Variants in TRIM54 observed in about 807,000 individuals in gnomAD.
TRIM54 encodes tripartite motif containing 54, also known as tripartite motif-containing protein 54.
TRIM54 carries 40 observed loss-of-function variants against 42.0 expected under a neutral mutation model. The ratio of observed to expected loss-of-function variants is 0.95; its 90% CI spans 0.74 to 1.24. The LOEUF is 1.24. TRIM54 is among the 50% of genes most tolerant of loss of function. The pLI is 0.00. For synonymous variants in TRIM54, 199 were observed against 194.9 expected (o/e 1.02, Z -0.17); for missense variants, 485 against 480.3 (o/e 1.01, Z -0.09).
At chr2:27,302,068 C>T (rs1328345478) in intron 3 of TRIM54, among the ~76,000 whole-genome samples, 2 of 151,306 alleles carry the variant, frequency 1.3e-5, no homozygotes, top group Admixed American at 6.6e-5. Flanking sequence ...ACAGGAGAAT[C>T]GCTTGAACCC....
chr2:27,285,126 G>A (rs1396512903), intron 1 of TRIM54, among the ~76,000 whole-genome samples: 1 of 152,218 alleles, frequency 6.6e-6, no homozygotes, highest in Non-Finnish European at 1.5e-5. Flanking sequence ...CAAGGAGGAA[G>A]AGTGAACAGC....
In TRIM54 at chr2:27,298,696, C is replaced by T. The variant is rs765136438; in HGVS notation, c.298C>T (p.Leu100=). 3 of 1,614,152 alleles carry T rather than the reference C, an allele frequency of 1.9e-6. No individual in the cohort carries two copies. Among genetic ancestry groups the T allele is most frequent in the Non-Finnish European group, 2.5e-6 (3 of 1,180,018 alleles). ...HGVYGLQRNL[L]VENIIDIYKQ... ...TGTCTACGGCCTGCAGCGAAACCTG[C>T]TAGTGGAGAACATTATCGACATTTA... The change falls in exon 2 of 9, where the codon CTA becomes TTA. Residue 100 remains leucine, a synonymous_variant. Transcript: ENST00000380075.
At chr2:27,287,368 A>G (rs1487917259) in intron 1 of TRIM54, among the ~76,000 whole-genome samples, 1 of 151,926 alleles carries the variant, frequency 6.6e-6, no homozygotes, top group Non-Finnish European at 1.5e-5. Flanking sequence ...ATGCCTGGCT[A>G]ATTTTTTTGT....
intron 3 of TRIM54, among the ~76,000 whole-genome samples, chr2:27,300,572 G>GTAGTAGTACTAATAATAATATT (rs1558588633): frequency 9.6e-6 from 1 of 104,564 alleles, no homozygotes; most frequent in Non-Finnish European, 2.3e-5. Context: ...ATATTTATTA[G>GTAGTAGTACTAATAATAATATT]TAGTAGTAGT....
rs994125911 is a variant in TRIM54 at position 27,292,376 on chromosome 2, G to A, written c.169-6191G>A. On this transcript the variant is annotated intron_variant, in intron 1 of 8. Coordinates refer to ENST00000380075, the MANE Select transcript of TRIM54 (RefSeq NM_187841.3). ...GCTTGAGGCCAGGAGTTTGACATCA[G>A]CCTGGGCAACTAGCAAGACCCTATC... Among the ~76,000 whole-genome samples, 4 of 152,056 alleles carry A rather than the reference G, an allele frequency of 2.6e-5. No homozygotes were observed. The East Asian group carries it at 5.8e-4, about 22-fold the overall frequency.
At chr2:27,295,377 G>A (rs1031087037) in intron 1 of TRIM54, among the ~76,000 whole-genome samples, 2 of 152,036 alleles carry the variant, frequency 1.3e-5, no homozygotes, top group Non-Finnish European at 2.9e-5. Flanking sequence ...TATGATCTTG[G>A]CTCACTGCAG....
Position 27,306,246 on chromosome 2 carries a change from G to A in TRIM54, c.900G>A (p.Gly300=). The change falls in exon 7 of 9, where the codon GGG becomes GGA. Residue 300 remains glycine (G), a synonymous_variant. Transcript: ENST00000380075. This position sits in a 1 kb window ranked among gnomAD's most constrained non-coding sequence, Gnocchi z 6.1. ...VGAMSKVELA[G]RPEPGYESME... ...CCATGTCGAAGGTGGAGCTGGCAGG[G>A]CGGCCGGAGCCAGGCTATGAGAGCA... 1 of 1,614,108 alleles carries A rather than the reference G, an allele frequency of 6.2e-7. No individual in the cohort carries two copies. The highest frequency in any genetic ancestry group is 8.5e-7 in the Non-Finnish European group (1 of 1,180,014).
intron 1 of TRIM54, among the ~76,000 whole-genome samples, chr2:27,287,111 C>T (rs1051929237): frequency 8.5e-5 from 13 of 152,174 alleles, no homozygotes; most frequent in East Asian, 1.9e-4. Flanking sequence ...TCTCCTCTGA[C>T]GGGTTTCTTT....
In TRIM54 at chr2:27,306,022, T is replaced by C; in HGVS notation, c.844-58T>C. 6.2e-7 allele frequency: 1 copy of C among 1,608,342 alleles called. No homozygotes were observed. ...GCAGGACTGTGGTGAGATTCAGAAA[T>C]GGGACTTTGCCCAGGTTGGCCCAGT... is the stretch of plus-strand genomic sequence containing the variant. On this transcript the variant is annotated intron_variant, in intron 5 of 8. Transcript: ENST00000380075. This position sits in a 1 kb window ranked among gnomAD's most constrained non-coding sequence, Gnocchi z 6.1.
At chr2:27,299,442 A>C (rs530816129) in intron 3 of TRIM54, 26 bp downstream of exon 3, 1 of 1,609,604 alleles carries the variant, frequency 6.2e-7, no homozygotes, top group Admixed American at 1.7e-5. Flanking sequence ...GGGAGTAGAT[A>C]TGTGAGAGAT....
chr2:27,289,108 G>A (rs141390619), intron 1 of TRIM54, among the ~76,000 whole-genome samples: 7 of 152,252 alleles, frequency 4.6e-5, no homozygotes, highest in Non-Finnish European at 7.4e-5. Context: ...GTATAAAATC[G>A]TTATTTGTGA....
chr2:27,290,080 C>T (rs1356795610), intron 1 of TRIM54, among the ~76,000 whole-genome samples: 2 of 151,628 alleles, frequency 1.3e-5, no homozygotes, highest in Non-Finnish European at 2.9e-5. Flanking sequence ...TCATGTTGGC[C>T]AGGCTGGTCT....
In TRIM54 at chr2:27,304,850, G is replaced by A. The variant is rs894185425; in HGVS notation, c.514-109G>A. 22 of 807,058 alleles carry A rather than the reference G, an allele frequency of 2.7e-5. No homozygotes were observed. In the African/African-American group the frequency reaches 3.4e-4, roughly 12 times the overall value. The allele number at this position is 807,058 out of a possible 1,614,324, so 50.0% of individuals were successfully genotyped here. On this transcript the variant is annotated intron_variant, in intron 3 of 8. Transcript: ENST00000380075. ...TCTAGATTGCTGTAGATGCCCTTAT[G>A]GGGGGTGAGGTGGAAGGGCCAGCCC...
At chr2:27,299,714 A>ATCTG in intron 3 of TRIM54, 2 of 602,934 alleles carry the variant, frequency 3.3e-6, no homozygotes, top group Non-Finnish European at 5.8e-6. Flanking sequence ...CTATCTATCT[A>ATCTG]TCATATTTTG....
At chr2:27,298,455 C>G in intron 1 of TRIM54, 112 bp from the exon 2 acceptor site, 2 of 767,472 alleles carry the variant, frequency 2.6e-6, no homozygotes, top group African/African-American at 1.7e-5. Context: ...GAGCTGACAT[C>G]TTCCCCTCCA....
Position 27,306,882 on chromosome 2 carries a change from C to T in TRIM54, c.*2-5C>T. ...CGCCCACCGAGCCTTCTTTCCCGGG[C>T]ACAGGCCTGCGCCGACCCGACCCTG... On this transcript the variant is annotated splice_polypyrimidine_tract_variant and splice_region_variant and intron_variant, in intron 8 of 8. Transcript: ENST00000380075. This position sits in a 1 kb window ranked among gnomAD's most constrained non-coding sequence, Gnocchi z 6.1. The T allele has an allele frequency of 2.4e-6, 1 of 416,284 alleles. No homozygotes were observed. Among genetic ancestry groups the T allele is most frequent in the South Asian group, 3.1e-5 (1 of 32,734 alleles). The allele number at this position is 416,284 out of a possible 1,614,324, so 25.8% of individuals were successfully genotyped here.
intron 1 of TRIM54, among the ~76,000 whole-genome samples, chr2:27,283,917 G>A (rs1010416586): frequency 1.3e-5 from 2 of 152,176 alleles, no homozygotes; most frequent in Admixed American, 6.5e-5. Context: ...AGCAGATCAC[G>A]AGGTCAGGAG....
intron 3 of TRIM54, among the ~76,000 whole-genome samples, chr2:27,300,650 GTTTGAGT>G (rs1294184917): frequency 1.8e-5 from 2 of 108,764 alleles, no homozygotes; most frequent in Non-Finnish European, 3.8e-5. Flanking sequence ...CAGGGGGATT[GTTTGAGT>G]CCAGGAATTT....
chr2:27,306,224 T>C lies in TRIM54; in HGVS notation c.878T>C (p.Met293Thr), dbSNP rs1425594577. Residue 293 changes from methionine to threonine, a missense_variant, in exon 7 of 9, where the codon ATG becomes ACG. Physicochemically the swap from Met to Thr is moderately conservative, Grantham distance 81. Coordinates refer to ENST00000380075, the MANE Select transcript of TRIM54 (RefSeq NM_187841.3). The surrounding 1 kb of genome is among the most constrained non-coding windows in gnomAD (Gnocchi z 6.1). ...TGTGGCCACTGCAGGGTCGGGGCCA[T>C]GTCGAAGGTGGAGCTGGCAGGGCGG... Reference protein sequence around the residue: ...AKELINKVGAMSKVELAGRPE... With the variant: ...AKELINKVGATSKVELAGRPE... 8 of 1,613,772 alleles carry C rather than the reference T, an allele frequency of 5.0e-6. No individual in the cohort carries two copies. The highest frequency in any genetic ancestry group is 6.8e-6 in the Non-Finnish European group (8 of 1,179,982).
Sources: allele counts gnomAD v4.1 joint callset (sites outside exome capture counted in the v4.1 genomes callset), GRCh38; gene constraint gnomAD v4.1.1; non-coding constraint Gnocchi (gnomAD v3.1); transcripts MANE v1.5; gene names NCBI Gene and HGNC (gene_info 2026-07-23, HGNC 2026-07-21).